The following NCALD variants were observed in gnomAD, a reference collection of about 807,000 sequenced individuals.
NCALD encodes neurocalcin delta.
Under a neutral mutation model 18.6 loss-of-function variants are expected in NCALD, and 10 were observed. The observed-to-expected ratio is 0.54, with a 90% CI of 0.33 to 0.91. The LOEUF (loss-of-function observed/expected upper bound fraction) is 0.91. Ranked by LOEUF, NCALD falls within the 40% of genes least tolerant of loss-of-function variation. NCALD has a pLI of 0.03. For missense variants in NCALD, 184 were observed against 247.6 expected, an observed-to-expected ratio of 0.74 and a Z score of 1.72; for synonymous variants, 88 against 87.4, an observed-to-expected ratio of 1.01 and a Z score of -0.04.
chr8:101,944,193 CA>C (rs1386158171), intron 2 of NCALD, among the ~76,000 whole-genome samples: 1 of 152,162 alleles, frequency 6.6e-6, no homozygotes, highest in African/African-American at 2.4e-5. Flanking sequence ...CGTCTCCTAT[CA>C]CCCTTTTTGA....
chr8:101,717,954 GTTTAA>G (rs1185202767), intron 2 of NCALD, among the ~76,000 whole-genome samples: 1 of 152,194 alleles, frequency 6.6e-6, no homozygotes, highest in African/African-American at 2.4e-5. Flanking sequence ...ATGGTTCTAA[GTTTAA>G]TTTAATCTCT....
At chr8:101,956,231 G>A (rs1819618012) in intron 2 of NCALD, among the ~76,000 whole-genome samples, 1 of 152,142 alleles carries the variant, frequency 6.6e-6, no homozygotes, top group Non-Finnish European at 1.5e-5. Flanking sequence ...TCTGAATCAT[G>A]GTTTTCCTAT....
chr8:102,084,327 G>A (rs76265093), intron 1 of NCALD, among the ~76,000 whole-genome samples: 3,921 of 152,328 alleles, frequency 0.026, 130 homozygotes, highest in East Asian at 0.13. Flanking sequence ...TTCAGAAGAA[G>A]TAATTTGACT....
intron 2 of NCALD, among the ~76,000 whole-genome samples, chr8:102,005,319 A>G (rs931791905): frequency 1.3e-5 from 2 of 152,262 alleles, no homozygotes; most frequent in African/African-American, 2.4e-5. Flanking sequence ...AATCAAAACC[A>G]CAATGAGATA....
At chr8:101,974,167 A>C (rs12544769) in intron 2 of NCALD, among the ~76,000 whole-genome samples, 18,629 of 152,236 alleles carry the variant, frequency 0.12, 1,225 homozygotes, top group Middle Eastern at 0.23. Flanking sequence ...TCCTTGATAT[A>C]ATTAATTTCC....
At chr8:101,968,188 T>C (rs1204045103) in intron 2 of NCALD, among the ~76,000 whole-genome samples, 3 of 152,138 alleles carry the variant, frequency 2.0e-5, no homozygotes, top group African/African-American at 7.2e-5. Context: ...TGGCTTTATA[T>C]CTACTTAGCT....
chr8:101,892,038 G>C (rs1482555960), intron 3 of NCALD, among the ~76,000 whole-genome samples: 1 of 152,040 alleles, frequency 6.6e-6, no homozygotes, highest in Non-Finnish European at 1.5e-5. Context: ...GGCTGCCTCT[G>C]TAGGCTCCAC....
At chr8:101,858,683 G>A (rs534901881) in intron 4 of NCALD, among the ~76,000 whole-genome samples, 1 of 152,226 alleles carries the variant, frequency 6.6e-6, no homozygotes, top group Non-Finnish European at 1.5e-5. Flanking sequence ...TAGCCCTAGG[G>A]AAAAGTCTAC....
At chr8:101,838,793 G>T (rs1014094246) in intron 4 of NCALD, among the ~76,000 whole-genome samples, 1 of 152,152 alleles carries the variant, frequency 6.6e-6, no homozygotes, top group African/African-American at 2.4e-5. Context: ...TTATTTCAGG[G>T]CACTTTCATA....
At chr8:102,065,645 G>T (rs151168680) in intron 1 of NCALD, among the ~76,000 whole-genome samples, 7 of 152,118 alleles carry the variant, frequency 4.6e-5, no homozygotes, top group Non-Finnish European at 1.0e-4. Flanking sequence ...TGCTATTGGA[G>T]GCATTAATAT....
chr8:101,720,986 GA>G (rs934233839), intron 1 of NCALD, among the ~76,000 whole-genome samples: 11 of 152,268 alleles, frequency 7.2e-5, no homozygotes, highest in African/African-American at 2.6e-4. Flanking sequence ...TGGATTTGGT[GA>G]AAGTACCTGG....
intron 1 of NCALD, among the ~76,000 whole-genome samples, chr8:101,729,911 A>G (rs1816739917): frequency 6.6e-6 from 1 of 152,194 alleles, no homozygotes; most frequent in South Asian, 2.1e-4. Flanking sequence ...GTCTAACAGC[A>G]ACACTTTCCC....
intron 2 of NCALD, among the ~76,000 whole-genome samples, chr8:101,985,712 C>T (rs117760799): frequency 0.027 from 4,042 of 152,270 alleles, 87 homozygotes; most frequent in East Asian, 0.09. Context: ...AGCCCTGTCC[C>T]TTCACGTTAG....
intron 1 of NCALD, among the ~76,000 whole-genome samples, chr8:102,077,721 G>A (rs1361949326): frequency 6.6e-6 from 1 of 152,116 alleles, no homozygotes; most frequent in Non-Finnish European, 1.5e-5. Context: ...ACAGCAGACT[G>A]GAAGGGGCCC....
At chr8:102,085,606 AAT>A (rs913836740) in intron 1 of NCALD, among the ~76,000 whole-genome samples, 61 of 152,156 alleles carry the variant, frequency 4.0e-4, no homozygotes, top group African/African-American at 1.4e-3. Flanking sequence ...AATAAAAAAA[AAT>A]TAGCTGGGCA....
rs149233250 is a variant in NCALD, at chr8:102,009,154, T to TAC, written c.-157+11081_-157+11082dup. Among the ~76,000 whole-genome samples, 628 of 152,356 alleles carry TAC rather than the reference T, an allele frequency of 4.1e-3. 12 individuals carry two copies. In the East Asian group the frequency reaches 0.045, roughly 11 times the overall value. ...GTGTTTTGAATACTGCCAAGTGTTA[T>TAC]ACAAATCTCAAGCAATAGAAATTAA... On this transcript the variant is annotated intron_variant, in intron 2 of 6. Coordinates refer to the NCALD transcript ENST00000311028.
intron 4 of NCALD, chr8:101,872,056 A>G: frequency 1.4e-6 from 2 of 1,384,358 alleles, no homozygotes; most frequent in Non-Finnish European, 2.0e-6. Flanking sequence ...AACAAATACC[A>G]TGGGCAGATT....
chr8:101,712,153 C>T (rs1039793306), intron 2 of NCALD, among the ~76,000 whole-genome samples: 4 of 152,090 alleles, frequency 2.6e-5, no homozygotes, highest in Non-Finnish European at 5.9e-5. Flanking sequence ...ATTTCATATC[C>T]AGCCAAACTA....
At chr8:101,940,069 C>A (rs558212199) in intron 2 of NCALD, among the ~76,000 whole-genome samples, 1 of 152,268 alleles carries the variant, frequency 6.6e-6, no homozygotes, top group South Asian at 2.1e-4. Context: ...CATGTATGTT[C>A]TTTTCAAGGT....
Sources: gnomAD v4.1 joint callset for allele counts (sites outside exome capture counted in the v4.1 genomes callset) on GRCh38, gnomAD v4.1.1 for gene constraint, MANE v1.5 for transcripts, NCBI Gene and HGNC (gene_info 2026-07-23, HGNC 2026-07-21) for gene names.